SCAF4: variants seen among roughly 807,000 people sequenced by gnomAD.
SCAF4 encodes the protein SR-related and CTD-associated factor 4.
SCAF4 carries 25 observed loss-of-function variants against 129.8 expected under a neutral mutation model. The observed-to-expected ratio is 0.19, with a 90% confidence interval of 0.14 to 0.27. The LOEUF is 0.27. SCAF4 is among the 10% of genes least tolerant of loss of function. The pLI, the probability that SCAF4 is intolerant of heterozygous loss-of-function variation, is 1.00. For synonymous variants in SCAF4, 551 were observed against 497.7 expected (o/e 1.11, Z -1.43); for missense variants, 1,246 against 1,457.1 (o/e 0.86, Z 2.36).
intron 13 of SCAF4, 112 bp from the exon 14 acceptor site, chr21:31,692,042 G>T: frequency 1.6e-6 from 1 of 616,044 alleles, no homozygotes; most frequent in Non-Finnish European, 2.8e-6. Context: ...GCTATATAAT[G>T]TAAGGTTAAA....
intron 19 of SCAF4, among the ~76,000 whole-genome samples, chr21:31,679,129 G>C (rs987809058): frequency 1.3e-5 from 2 of 152,166 alleles, no homozygotes; most frequent in Admixed American, 6.5e-5. Context: ...AACCTAGGAG[G>C]ACTTGAACTT....
chr21:31,709,202 G>A (rs559832694), intron 1 of SCAF4, among the ~76,000 whole-genome samples: 57 of 152,184 alleles, frequency 3.7e-4, no homozygotes, highest in African/African-American at 1.3e-3. Context: ...GGGGGGGAGC[G>A]TCTATTTTGA....
intron 1 of SCAF4, among the ~76,000 whole-genome samples, chr21:31,726,071 A>T (rs1441900413): frequency 6.7e-6 from 1 of 149,944 alleles, no homozygotes; most frequent in African/African-American, 2.5e-5. Flanking sequence ...TTTGAGATAG[A>T]GTCTCGCTCT....
Position 31,671,943 on chromosome 21 carries a change from G to A in SCAF4, c.2900C>T (p.Pro967Leu). ...TGGTGGAGGCTGTTGTGATGGTGGT[G>A]GCTGCTGCTGCTGCTGCTGCTGTGG... ...QQPQQQQQQQ[P>L]PPSQQPPPTQ... The change falls in exon 20 of 20, where the codon CCA becomes CTA. Residue 967 changes from proline (P) to leucine (L), a missense_variant. Physicochemically the swap from Pro to Leu is moderately conservative, Grantham distance 98 (BLOSUM62 -3). Coordinates refer to ENST00000286835, the MANE Select transcript of SCAF4 (RefSeq NM_020706.2). The A allele has an allele frequency of 6.2e-7, 1 of 1,606,374 alleles. No homozygotes were observed.
At chr21:31,702,419 G>C (rs2050555812) in intron 4 of SCAF4, 40 bp from the exon 5 acceptor site, 6 of 1,575,010 alleles carry the variant, frequency 3.8e-6, no homozygotes, top group Non-Finnish European at 5.2e-6. Flanking sequence ...ATAAATATTT[G>C]CATAAATAAC....
chr21:31,712,404 G>A (rs901058445), intron 1 of SCAF4, among the ~76,000 whole-genome samples: 2 of 151,684 alleles, frequency 1.3e-5, no homozygotes, highest in African/African-American at 4.8e-5. Context: ...TTTTAGTAGA[G>A]ATGGGGTTTT....
At chr21:31,695,659 A>G (rs1406951051) in intron 9 of SCAF4, among the ~76,000 whole-genome samples, 1 of 152,224 alleles carries the variant, frequency 6.6e-6, no homozygotes, top group Non-Finnish European at 1.5e-5. Flanking sequence ...ACACTCAATG[A>G]GAGAATTTAC....
At position 31,701,128 on chromosome 21, in the gene SCAF4, T is replaced by G; in HGVS notation, c.644A>C (p.Gln215Pro). The G allele has an allele frequency of 1.9e-6, 3 of 1,607,624 alleles. No individual in the cohort carries two copies. The highest frequency in any genetic ancestry group is 2.5e-6 in the Non-Finnish European group (3 of 1,176,644). The change falls in exon 7 of 20, where the codon CAG becomes CCG. Residue 215 changes from glutamine (Q) to proline (P), a missense_variant. Gln to Pro is a moderately conservative substitution (Grantham distance 76). This residue lies in a region of SCAF4 where 143 missense variants were observed against 161.0 expected (regional missense o/e 0.89). Transcript: ENST00000286835. Reference protein sequence around the residue: ...LQTFQQPPKPQSPALDNAVMA... With the variant: ...LQTFQQPPKPPSPALDNAVMA... ...CACAGCATTGTCAAGGGCAGGAGACTGTGGTTTTGGAGGCTGTTGAAAAGT... is the reference window on the plus strand; with the variant it reads ...CACAGCATTGTCAAGGGCAGGAGACGGTGGTTTTGGAGGCTGTTGAAAAGT...
At chr21:31,703,345 A>G (rs891444283) in intron 4 of SCAF4, among the ~76,000 whole-genome samples, 41 of 151,872 alleles carry the variant, frequency 2.7e-4, no homozygotes, top group African/African-American at 4.1e-4. Context: ...AACACTTAAC[A>G]TGAGATCTAC....
chr21:31,692,200 A>T lies in SCAF4; in HGVS notation c.1614+149T>A, dbSNP rs191969963. 6.3e-4 allele frequency: 382 copies of T among 610,434 alleles called. 1 individual carries two copies. Among genetic ancestry groups the T allele is most frequent in the Non-Finnish European group, 9.0e-4 (309 of 344,282 alleles). The allele number at this position is 610,434 out of a possible 1,614,324, so 37.8% of individuals were successfully genotyped here. The stretch of plus-strand genomic sequence containing the variant: ...GAATTCTAAGAAATGTTAAATACAG[A>T]TAATTCTAAACGTGGACTCTGAACA... On this transcript the variant is annotated intron_variant, in intron 13 of 19. Coordinates refer to ENST00000286835, the MANE Select transcript of SCAF4 (RefSeq NM_020706.2).
rs1601295973 is a variant in SCAF4, at chr21:31,731,911, A to C, written c.-219T>G. 8.1e-6 allele frequency: 4 copies of C among 494,164 alleles called. No individual in the cohort carries two copies. In the East Asian group the frequency reaches 1.4e-4, roughly 17 times the overall value. 30.6% of individuals were successfully genotyped at this position (494,164 alleles called of 1,614,324 possible). Reference sequence around the variant, plus strand: ...CGGGCCCCCTCTCAGTCCCGTTCGCAGGATGAGGAAAAGGAGGCGGCGGCA... The same window carrying C: ...CGGGCCCCCTCTCAGTCCCGTTCGCCGGATGAGGAAAAGGAGGCGGCGGCA... On this transcript the variant is annotated 5_prime_UTR_variant, in exon 1 of 20. Coordinates refer to ENST00000286835, the MANE Select transcript of SCAF4 (RefSeq NM_020706.2).
At chr21:31,687,037 G>A (rs2050142352) in intron 16 of SCAF4, among the ~76,000 whole-genome samples, 1 of 152,210 alleles carries the variant, frequency 6.6e-6, no homozygotes, top group Non-Finnish European at 1.5e-5. Context: ...AAGGTCAGCT[G>A]AAGAGTTTGC....
chr21:31,702,341 AT>A lies in SCAF4; in HGVS notation c.359del (p.Asn120MetfsTer25). ...IVRVLNLWQKNGVFKIEIIQP... is the reference protein window; with the variant it reads ...IVRVLNLWQKXGVFKIEIIQP... ...GAATAATTTCAATTTTGAACACTCC[AT>A]TTTTTTGCCAAAGGTTCAGCACACG... On this transcript the variant is annotated frameshift_variant, in exon 5 of 20. Transcript: ENST00000286835. LOFTEE classifies it high-confidence loss of function. The A allele has an allele frequency of 6.2e-7, 1 of 1,613,934 alleles. No homozygotes were observed.
At position 31,696,697 on chromosome 21, in the gene SCAF4, T is replaced by C. The variant is rs202197112; in HGVS notation, c.831A>G (p.Ser277=). 1.2e-6 allele frequency: 2 copies of C among 1,613,968 alleles called. No individual in the cohort carries two copies. The highest frequency in any genetic ancestry group is 1.7e-6 in the Non-Finnish European group (2 of 1,179,846). The change falls in exon 8 of 20, where the codon TCA becomes TCG. Residue 277 remains serine, a synonymous_variant. Coordinates refer to ENST00000286835, the MANE Select transcript of SCAF4 (RefSeq NM_020706.2). ...TGACGGCAGTGGTATCCTCTTTCTTTGATTCTTCCACAGCTTCTGGCTCAT... is the reference window on the plus strand; with the variant it reads ...TGACGGCAGTGGTATCCTCTTTCTTCGATTCTTCCACAGCTTCTGGCTCAT... ...YDDEPEAVEE[S]KKEDTTAVTT...
Position 31,685,257 on chromosome 21 carries a change from T to C in SCAF4, c.2297-17A>G, listed in dbSNP as rs1259588674. On this transcript the variant is annotated splice_polypyrimidine_tract_variant and intron_variant, in intron 18 of 19. Transcript: ENST00000286835. ...CGATAGTAGCTAAGGAATATAATTA[T>C]ATCAACATGTGAAGCTGAATAATTA... The C allele has an allele frequency of 4.5e-6, 7 of 1,556,530 alleles. No individual in the cohort carries two copies. Among genetic ancestry groups the C allele is most frequent in the Non-Finnish European group, 6.2e-6 (7 of 1,129,574 alleles).
chr21:31,676,445 A>G lies in SCAF4; in HGVS notation c.2489-4091T>C, dbSNP rs2049858123. Among the ~76,000 whole-genome samples, 7 of 152,044 alleles carry G rather than the reference A, an allele frequency of 4.6e-5. No individual in the cohort carries two copies. The South Asian group carries it at 1.2e-3, about 27-fold the overall frequency. ...CTGGAGTCCATGGCTCTCCCTCACC[A>G]TATCTGCCTGGAAAATCCCCAACAT... On this transcript the variant is annotated intron_variant, in intron 19 of 19. Transcript: ENST00000286835.
At chr21:31,717,856 C>CAA (rs1466270104) in intron 1 of SCAF4, among the ~76,000 whole-genome samples, 1 of 126,406 alleles carries the variant, frequency 7.9e-6, no homozygotes, top group Non-Finnish European at 1.7e-5. Context: ...CACACACACA[C>CAA]ACACACACAC....
chr21:31,722,367 T>C (rs903032372), intron 1 of SCAF4, among the ~76,000 whole-genome samples: 17 of 152,156 alleles, frequency 1.1e-4, no homozygotes, highest in African/African-American at 3.6e-4. Context: ...TCTGTTTAAA[T>C]AGTATATTCA....
At chr21:31,702,136 T>C (rs2050547445) in intron 5 of SCAF4, 108 bp downstream of exon 5, 1 of 1,469,324 alleles carries the variant, frequency 6.8e-7, no homozygotes. Flanking sequence ...AGATGTAAAC[T>C]CAAGTTTCCT....
Sources: allele counts gnomAD v4.1 joint callset (sites outside exome capture counted in the v4.1 genomes callset), GRCh38; gene constraint gnomAD v4.1.1; regional missense constraint gnomAD v4.1.1; transcripts MANE v1.5; gene names NCBI Gene and HGNC (gene_info 2026-07-23, HGNC 2026-07-21).